LIMA1: variants seen among roughly 807,000 people sequenced by gnomAD.
LIMA1 encodes LIM domain and actin binding 1.
In LIMA1, 52 loss-of-function variants were observed where a neutral mutation model predicts 62.6. The ratio of observed to expected loss-of-function variants is 0.83; its 90% CI spans 0.67 to 1.05. LIMA1 has a LOEUF of 1.05. Ranked by LOEUF, LIMA1 falls within the 50% of genes least tolerant of loss-of-function variation. The pLI, the probability that LIMA1 is intolerant of heterozygous loss-of-function variation, is 0.00. For synonymous variants in LIMA1, 302 were observed against 317.8 expected, an observed-to-expected ratio of 0.95 and a Z score of 0.53; for missense variants, 780 against 902.2, an observed-to-expected ratio of 0.86 and a Z score of 1.74.
At position 50,248,791 on chromosome 12, in the gene LIMA1, G is replaced by C. The variant is rs890475618; in HGVS notation, c.-23-17C>G. 1.7e-6 allele frequency: 2 copies of C among 1,209,348 alleles called. No homozygotes were observed. The highest frequency in any genetic ancestry group is 2.5e-6 in the Non-Finnish European group (2 of 813,268). 74.9% of individuals were successfully genotyped at this position (1,209,348 alleles called of 1,614,324 possible). On this transcript the variant is annotated splice_polypyrimidine_tract_variant and intron_variant, in intron 1 of 10. Coordinates refer to ENST00000341247, the MANE Select transcript of LIMA1 (RefSeq NM_016357.5). Reference sequence around the variant, plus strand: ...CTGAAATACCTATGCAATAAAGAAAGTCAGAACATTAGACACAGAAGAGGA... The same window carrying C: ...CTGAAATACCTATGCAATAAAGAAACTCAGAACATTAGACACAGAAGAGGA...
intron 6 of LIMA1, among the ~76,000 whole-genome samples, chr12:50,202,885 T>C (rs771540960): frequency 6.6e-6 from 1 of 152,206 alleles, no homozygotes; most frequent in Non-Finnish European, 1.5e-5. Flanking sequence ...AAGAGATTAA[T>C]GGTTTGTAAT....
rs1940324090 is a variant in LIMA1, at chr12:50,175,947, C to A, written c.*1117G>T. 3.3e-5 allele frequency: 5 copies of A among 152,096 alleles called. No homozygotes were observed. Among genetic ancestry groups the A allele is most frequent in the African/African-American group, 1.2e-4 (5 of 41,440 alleles). The allele number at this position is 152,096 out of a possible 1,614,324, so 9.4% of individuals were successfully genotyped here. ...GCTTAAGACACCTCTCCCTCCCATC[C>A]ATACAATTTGGAATATCAACTGTGT... is the stretch of plus-strand genomic sequence containing the variant. On this transcript the variant is annotated 3_prime_UTR_variant, in exon 11 of 11. Coordinates refer to ENST00000341247, the MANE Select transcript of LIMA1 (RefSeq NM_016357.5).
chr12:50,200,682 C>T (rs1025981770), intron 7 of LIMA1, 95 bp downstream of exon 7: 4 of 1,377,358 alleles, frequency 2.9e-6, no homozygotes, highest in Non-Finnish European at 3.1e-6. Context: ...TTCCCAGACA[C>T]TCTACAGCCT....
intron 1 of LIMA1, among the ~76,000 whole-genome samples, chr12:50,270,209 T>C (rs1205825744): frequency 2.6e-5 from 3 of 116,668 alleles, no homozygotes; most frequent in East Asian, 2.5e-4. Context: ...TACTCTAGCC[T>C]GGGCAACAAG....
rs1383547189 is a variant in LIMA1, at chr12:50,261,042, A to ATATTTTTT, written c.-23-12269_-23-12268insAAAAAATA. 1.1e-3 allele frequency among the ~76,000 whole-genome samples: 59 copies of ATATTTTTT among 54,294 alleles called. 4 individuals are homozygous for ATATTTTTT. The highest frequency in any genetic ancestry group is 2.7e-3 in the African/African-American group (37 of 13,952). The allele number at this position is 54,294 out of a possible 152,430, so 35.6% of individuals were successfully genotyped here. A position where few individuals can be genotyped will look rare whatever the true frequency, so the allele number is the denominator to read the frequency against. On this transcript the variant is annotated intron_variant, in intron 1 of 10. Coordinates refer to ENST00000341247, the MANE Select transcript of LIMA1 (RefSeq NM_016357.5). ...CTTTTGCTTTTCTGCCATCTAGTAT[A>ATATTTTTT]TTTTTTTTTTTTTTTTTTTTTTTTT...
At chr12:50,179,088 G>C (rs1382273509) in intron 10 of LIMA1, among the ~76,000 whole-genome samples, 3 of 151,290 alleles carry the variant, frequency 2.0e-5, no homozygotes, top group African/African-American at 7.3e-5. Flanking sequence ...CAATTCTCCT[G>C]CCTCAGCCTC....
At chr12:50,219,733 G>A (rs1179580723) in intron 4 of LIMA1, 1 of 152,184 alleles carries the variant, frequency 6.6e-6, no homozygotes, top group Non-Finnish European at 1.5e-5. Flanking sequence ...GTGTTGCCCA[G>A]GCTGGAGTGC....
chr12:50,276,600 G>A (rs929379385), intron 1 of LIMA1, among the ~76,000 whole-genome samples: 4 of 152,152 alleles, frequency 2.6e-5, no homozygotes, highest in Admixed American at 2.6e-4. Flanking sequence ...GCTGGGTGTG[G>A]TGGCTCACGC....
intron 1 of LIMA1, among the ~76,000 whole-genome samples, chr12:50,256,665 T>TA (rs1942000880): frequency 6.6e-6 from 1 of 152,190 alleles, no homozygotes; most frequent in Non-Finnish European, 1.5e-5. Flanking sequence ...GGTCAGATAT[T>TA]ATGTAGAATG....
chr12:50,233,727 G>A (rs140476512), intron 2 of LIMA1, among the ~76,000 whole-genome samples: 25 of 152,282 alleles, frequency 1.6e-4, no homozygotes, highest in African/African-American at 5.8e-4. Context: ...GTTTCACCAT[G>A]TTGGCCAGGC....
At chr12:50,259,864 C>T (rs943081476) in intron 1 of LIMA1, among the ~76,000 whole-genome samples, 1 of 152,150 alleles carries the variant, frequency 6.6e-6, no homozygotes, top group Admixed American at 6.5e-5. Context: ...ATCTCTTTAT[C>T]GCCTTTTAAA....
At position 50,222,384 on chromosome 12, in the gene LIMA1, A is replaced by G; in HGVS notation, c.267T>C (p.Ser89=). 1 of 1,614,156 alleles carries G rather than the reference A, an allele frequency of 6.2e-7. No homozygotes were observed. The highest frequency in any genetic ancestry group is 8.5e-7 in the Non-Finnish European group (1 of 1,180,038). ...TAATCTCAGTGCTGCTGTTCCGTAG[A>G]GAGTCTGTGTGAGACTCTGCTCCCA... is the stretch of plus-strand genomic sequence containing the variant. The part of the protein sequence containing the change: ...PGLGAESHTD[S]LRNSSTEIRH... The change falls in exon 4 of 11, where the codon TCT becomes TCC. Residue 89 remains serine, a synonymous_variant. Coordinates refer to ENST00000341247, the MANE Select transcript of LIMA1 (RefSeq NM_016357.5).
chr12:50,195,767 C>G, intron 8 of LIMA1, 63 bp downstream of exon 8: 2 of 1,524,120 alleles, frequency 1.3e-6, no homozygotes, highest in South Asian at 1.2e-5. Flanking sequence ...TGGGAACACC[C>G]CTGAACCAAA....
chr12:50,272,659 T>C (rs1942227893), intron 1 of LIMA1, among the ~76,000 whole-genome samples: 1 of 151,174 alleles, frequency 6.6e-6, no homozygotes, highest in Non-Finnish European at 1.5e-5. Context: ...CAAGCATCAC[T>C]GAGGCTGATC....
intron 1 of LIMA1, among the ~76,000 whole-genome samples, chr12:50,272,382 G>A (rs1433158740): frequency 6.6e-6 from 1 of 151,982 alleles, no homozygotes; most frequent in South Asian, 2.1e-4. Flanking sequence ...CTGAGGTCGG[G>A]AGTTCGAGAT....
intron 5 of LIMA1, among the ~76,000 whole-genome samples, 188 bp downstream of exon 5, chr12:50,205,796 A>G (rs1941140997): frequency 1.3e-5 from 1 of 75,306 alleles, no homozygotes; most frequent in African/African-American, 4.0e-5. Context: ...TTCCGTCTCA[A>G]AAAAAAAAAA....
intron 1 of LIMA1, among the ~76,000 whole-genome samples, chr12:50,280,218 G>C (rs1441690301): frequency 2.2e-5 from 3 of 137,834 alleles, no homozygotes; most frequent in Non-Finnish European, 4.6e-5. Flanking sequence ...GCAGTGGCGC[G>C]ATCTCCGCTC....
chr12:50,242,361 GTTT>G (rs922030578), intron 2 of LIMA1, among the ~76,000 whole-genome samples: 2 of 143,654 alleles, frequency 1.4e-5, no homozygotes, highest in Non-Finnish European at 3.1e-5. Flanking sequence ...AACGCTCTTT[GTTT>G]TTTTTTTTTA....
At chr12:50,257,372 A>C (rs965299738) in intron 1 of LIMA1, among the ~76,000 whole-genome samples, 3 of 152,150 alleles carry the variant, frequency 2.0e-5, no homozygotes, top group African/African-American at 7.2e-5. Flanking sequence ...GTCGTGATCA[A>C]CTCAGTATAC....
Sources: gnomAD v4.1 joint callset for allele counts (sites outside exome capture counted in the v4.1 genomes callset) on GRCh38, gnomAD v4.1.1 for gene constraint, MANE v1.5 for transcripts, NCBI Gene and HGNC (gene_info 2026-07-23, HGNC 2026-07-21) for gene names.